Variants in LPP observed in about 807,000 individuals in gnomAD.
LPP encodes lipoma-preferred partner.
LPP carries 38 observed loss-of-function variants against 60.4 expected under a neutral mutation model. The observed-to-expected ratio is 0.63, with a 90% CI of 0.49 to 0.83. LPP has a LOEUF of 0.83. LPP is among the 40% of genes least tolerant of loss of function. The pLI is 0.00. For missense variants in LPP, 902 were observed against 783.6 expected, an observed-to-expected ratio of 1.15 and a Z score of -1.80; for synonymous variants, 328 against 290.8, an observed-to-expected ratio of 1.13 and a Z score of -1.30.
chr3:188,889,893 T>A lies in LPP; in HGVS notation c.*15414T>A, dbSNP rs996365785. On this transcript the variant is annotated 3_prime_UTR_variant, in exon 12 of 12. Transcript: ENST00000617246. ...CCTTGTCCAATTTCCACACTAGTCATTTTTTTTATTTTTTAGAGGATCAGA... is the reference window on the plus strand; with the variant it reads ...CCTTGTCCAATTTCCACACTAGTCAATTTTTTTATTTTTTAGAGGATCAGA... The A allele has an allele frequency of 4.8e-6, 1 of 207,670 alleles. No homozygotes were observed. Among genetic ancestry groups the A allele is most frequent in the Non-Finnish European group, 9.8e-6 (1 of 101,930 alleles). The allele number at this position is 207,670 out of a possible 1,614,324, so 12.9% of individuals were successfully genotyped here.
intron 5 of LPP, among the ~76,000 whole-genome samples, chr3:188,515,791 T>C (rs1300066503): frequency 6.6e-6 from 1 of 152,208 alleles, no homozygotes; most frequent in African/African-American, 2.4e-5. Flanking sequence ...TGTTGGCCAT[T>C]AGATAAGAAG....
At chr3:188,365,279 G>T (rs1447267665) in intron 3 of LPP, among the ~76,000 whole-genome samples, 1 of 152,134 alleles carries the variant, frequency 6.6e-6, no homozygotes, top group East Asian at 1.9e-4. Flanking sequence ...TATATTCTGG[G>T]CAGTAGAAGT....
In LPP at chr3:188,884,015, C is replaced by G. The variant is rs942167758; in HGVS notation, c.*9536C>G. The G allele has an allele frequency of 4.5e-6, 1 of 220,856 alleles. No individual in the cohort carries two copies. The highest frequency in any genetic ancestry group is 2.2e-5 in the African/African-American group (1 of 44,756). The allele number at this position is 220,856 out of a possible 1,614,324, so 13.7% of individuals were successfully genotyped here. On this transcript the variant is annotated 3_prime_UTR_variant, in exon 12 of 12. Transcript: ENST00000617246. ...ACCATGATTGTGGCTTCTTCTACCCCAACTTTGAATGAGAGAGCACTGTAA... is the reference window on the plus strand; with the variant it reads ...ACCATGATTGTGGCTTCTTCTACCCGAACTTTGAATGAGAGAGCACTGTAA...
At position 188,313,998 on chromosome 3, in the gene LPP, C is replaced by T. The variant is rs901772981; in HGVS notation, c.-66-27665C>T. ...GCTCAGCCACTTTACTGAATTGTCT[C>T]ATTATTTGAATAATTTTAGATAAAT... On this transcript the variant is annotated intron_variant, in intron 2 of 11. Coordinates refer to ENST00000617246, the MANE Select transcript of LPP (RefSeq NM_001375462.1). Among the ~76,000 whole-genome samples the T allele has an allele frequency of 1.6e-4, 25 of 152,248 alleles. No individual in the cohort carries two copies. The East Asian group carries it at 4.4e-3, about 27-fold the overall frequency.
chr3:188,324,315 ATTCC>A (rs1356450795), intron 2 of LPP, among the ~76,000 whole-genome samples: 1 of 151,968 alleles, frequency 6.6e-6, no homozygotes, highest in Non-Finnish European at 1.5e-5. Flanking sequence ...TCTTTACTAT[ATTCC>A]ATCTATTATT....
At chr3:188,411,313 G>A (rs988462420) in intron 4 of LPP, among the ~76,000 whole-genome samples, 1 of 152,068 alleles carries the variant, frequency 6.6e-6, no homozygotes, top group Non-Finnish European at 1.5e-5. Context: ...CACTGTTGGT[G>A]GGAATGTAAA....
chr3:188,483,328 T>A (rs1805363566), intron 4 of LPP, among the ~76,000 whole-genome samples: 2 of 152,154 alleles, frequency 1.3e-5, no homozygotes, highest in Admixed American at 1.3e-4. Context: ...CTTCCATTCT[T>A]ATACTTCTAT....
At chr3:188,289,996 G>GT (rs11441027) in intron 2 of LPP, among the ~76,000 whole-genome samples, 18,070 of 149,274 alleles carry the variant, frequency 0.12, 1,201 homozygotes, top group Non-Finnish European at 0.14. Flanking sequence ...AACATGCAGG[G>GT]TTTTTTTTTT....
intron 8 of LPP, among the ~76,000 whole-genome samples, chr3:188,744,274 T>C (rs764539221): frequency 6.6e-6 from 1 of 152,240 alleles, no homozygotes; most frequent in South Asian, 2.1e-4. Flanking sequence ...TGAACTTTAT[T>C]ATATTGATCT....
intron 7 of LPP, among the ~76,000 whole-genome samples, chr3:188,613,160 ATCTCT>A (rs1386084404): frequency 6.6e-6 from 1 of 152,034 alleles, no homozygotes; most frequent in Non-Finnish European, 1.5e-5. Flanking sequence ...ATGCAGTGGA[ATCTCT>A]TCTCTTTGCT....
chr3:188,417,678 C>T (rs962174044), intron 4 of LPP, among the ~76,000 whole-genome samples: 1 of 152,162 alleles, frequency 6.6e-6, no homozygotes, highest in African/African-American at 2.4e-5. Context: ...TGATCTTATA[C>T]CACAGGCAAG....
Position 188,760,703 on chromosome 3 carries a change from A to C in LPP, c.1410+421A>C, listed in dbSNP as rs540630754. On this transcript the variant is annotated intron_variant, in intron 9 of 11. Coordinates refer to ENST00000617246, the MANE Select transcript of LPP (RefSeq NM_001375462.1). Reference sequence around the variant, plus strand: ...CAGTAGTTTCAAGGAAACTTTACAGAATCTCTGGACTTGTCAGTCCTCTTC... The same window carrying C: ...CAGTAGTTTCAAGGAAACTTTACAGCATCTCTGGACTTGTCAGTCCTCTTC... Among the ~76,000 whole-genome samples, 20 of 152,278 alleles carry C rather than the reference A, an allele frequency of 1.3e-4. No homozygotes were observed. In the South Asian group the frequency reaches 4.1e-3, roughly 32 times the overall value.
chr3:188,546,710 T>G (rs976382325), intron 6 of LPP, among the ~76,000 whole-genome samples: 1 of 152,206 alleles, frequency 6.6e-6, no homozygotes, highest in Non-Finnish European at 1.5e-5. Context: ...CACAAAAGTT[T>G]AGCTATCTGG....
At chr3:188,279,887 TCTCCACCTGGTGA>T (rs1407611633) in intron 2 of LPP, among the ~76,000 whole-genome samples, 1 of 152,220 alleles carries the variant, frequency 6.6e-6, no homozygotes, top group Non-Finnish European at 1.5e-5. Flanking sequence ...GAGCTGTGTG[TCTCCACCTGGTGA>T]CCGAATCATT....
At chr3:188,821,852 A>G (rs1446162055) in intron 9 of LPP, among the ~76,000 whole-genome samples, 3 of 152,042 alleles carry the variant, frequency 2.0e-5, no homozygotes, top group Non-Finnish European at 4.4e-5. Context: ...CTATTCTTAC[A>G]TATTAATGTT....
chr3:188,172,347 C>G (rs1490396026), intron 1 of LPP, among the ~76,000 whole-genome samples: 1 of 152,050 alleles, frequency 6.6e-6, no homozygotes, highest in Non-Finnish European at 1.5e-5. Flanking sequence ...TATTTTTAGG[C>G]CTCTGTTGCC....
At chr3:188,193,538 A>T (rs532631967) in intron 1 of LPP, among the ~76,000 whole-genome samples, 1 of 152,344 alleles carries the variant, frequency 6.6e-6, no homozygotes, top group Admixed American at 6.5e-5. Flanking sequence ...GACAACAACA[A>T]AATTTTATAA....
intron 7 of LPP, among the ~76,000 whole-genome samples, chr3:188,660,611 G>A (rs1239614489): frequency 6.6e-6 from 1 of 151,340 alleles, no homozygotes. Flanking sequence ...ATGACTTCTT[G>A]TCATCTCTAG....
chr3:188,852,013 A>G (rs140266477), intron 9 of LPP, among the ~76,000 whole-genome samples: 2,793 of 152,092 alleles, frequency 0.018, 78 homozygotes, highest in African/African-American at 0.063. Context: ...AAAATACAAA[A>G]ATTAGCCAGG....
Sources: allele counts gnomAD v4.1 joint callset (sites outside exome capture counted in the v4.1 genomes callset), GRCh38; gene constraint gnomAD v4.1.1; transcripts MANE v1.5; gene names NCBI Gene and HGNC (gene_info 2026-07-23, HGNC 2026-07-21).